The following PTPRT variants were observed in gnomAD, a reference collection of about 807,000 sequenced individuals.
PTPRT encodes protein tyrosine phosphatase receptor type T, also known as receptor-type tyrosine-protein phosphatase T.
In PTPRT, 56 loss-of-function variants were observed where a neutral mutation model predicts 176.8. The observed-to-expected ratio is 0.32, with a 90% CI of 0.26 to 0.40. The LOEUF (loss-of-function observed/expected upper bound fraction) is 0.40. PTPRT is among the 10% of genes least tolerant of loss of function. The pLI, the probability that PTPRT is intolerant of heterozygous loss-of-function variation, is 1.00. For synonymous variants in PTPRT, 783 were observed against 739.0 expected, an observed-to-expected ratio of 1.06 and a Z score of -0.96; for missense variants, 1,540 against 1,908.2, an observed-to-expected ratio of 0.81 and a Z score of 3.60.
chr20:42,311,243 T>A (rs1298220529), intron 12 of PTPRT, among the ~76,000 whole-genome samples: 1 of 152,208 alleles, frequency 6.6e-6, no homozygotes, highest in Non-Finnish European at 1.5e-5. Flanking sequence ...ACATATTGCA[T>A]GTGCTTGACA....
chr20:43,083,198 CTTA>C (rs2011486363), intron 1 of PTPRT, among the ~76,000 whole-genome samples: 1 of 149,930 alleles, frequency 6.7e-6, no homozygotes, highest in Non-Finnish European at 1.5e-5. Context: ...CTTCTCATTT[CTTA>C]TTATTTTTTG....
In PTPRT at chr20:42,144,266, A is replaced by T. The variant is rs541042037; in HGVS notation, c.2683-2264T>A. ...GGGTTAGAAACAGGATTGGGGAGGT[A>T]AGAATTAAGTGTTGTGTTTTGGGTA... On this transcript the variant is annotated intron_variant, in intron 17 of 30. Coordinates refer to ENST00000373187, the MANE Select transcript of PTPRT (RefSeq NM_007050.6). Among the ~76,000 whole-genome samples the T allele has an allele frequency of 2.6e-5, 4 of 152,298 alleles. No homozygotes were observed. In the East Asian group the frequency reaches 7.7e-4, roughly 29 times the overall value.
chr20:42,479,643 A>G (rs1164543684), intron 7 of PTPRT, among the ~76,000 whole-genome samples: 2 of 152,354 alleles, frequency 1.3e-5, no homozygotes, highest in South Asian at 2.1e-4. Context: ...TTTGTTGAAT[A>G]CTAGTTCACT....
At chr20:42,951,518 G>A (rs1981250668) in intron 1 of PTPRT, among the ~76,000 whole-genome samples, 1 of 152,170 alleles carries the variant, frequency 6.6e-6, no homozygotes, top group Non-Finnish European at 1.5e-5. Context: ...CACCTACCAT[G>A]TACCAGGCAA....
At chr20:42,300,707 A>G (rs1457915630) in intron 12 of PTPRT, among the ~76,000 whole-genome samples, 2 of 151,410 alleles carry the variant, frequency 1.3e-5, no homozygotes, top group African/African-American at 4.8e-5. Context: ...TAAATGTGGA[A>G]CAAATGATGG....
rs187271896 is a variant in PTPRT, at chr20:42,629,897, G to A, written c.1153+47969C>T. 1.1e-4 allele frequency among the ~76,000 whole-genome samples: 16 copies of A among 152,274 alleles called. 1 individual carries two copies. The highest frequency in any genetic ancestry group is 3.6e-4 in the African/African-American group (15 of 41,542). On this transcript the variant is annotated intron_variant, in intron 7 of 30. Coordinates refer to ENST00000373187, the MANE Select transcript of PTPRT (RefSeq NM_007050.6). Reference sequence around the variant, plus strand: ...TGGGGGGAAAAATGATACTCTTAGCGTTAGAGTCCACAACTGCTACAGAGT... The same window carrying A: ...TGGGGGGAAAAATGATACTCTTAGCATTAGAGTCCACAACTGCTACAGAGT...
At position 42,128,789 on chromosome 20, in the gene PTPRT, G is replaced by T. The variant is rs1175824163; in HGVS notation, c.2812C>A (p.Pro938Thr). 6.2e-7 allele frequency: 1 copy of T among 1,606,564 alleles called. No individual in the cohort carries two copies. Among genetic ancestry groups the T allele is most frequent in the South Asian group, 1.1e-5 (1 of 89,912 alleles). ...TTGGCATTGATGTAGTCAGAGTGCG[G>T]GTCTCCATCCAGCACCAGCAGCCTC... The part of the protein sequence containing the change: ...RVRLLVLDGD[P>T]HSDYINANYI... Residue 938 changes from proline (P) to threonine (T), a missense_variant, in exon 19 of 31, where the codon CCG (proline) becomes ACG (threonine). By Grantham distance (38) the Pro-to-Thr change is conservative. Coordinates refer to ENST00000373187, the MANE Select transcript of PTPRT (RefSeq NM_007050.6).
intron 5 of PTPRT, among the ~76,000 whole-genome samples, chr20:42,770,762 G>C (rs962814872): frequency 6.6e-6 from 1 of 152,270 alleles, no homozygotes; most frequent in South Asian, 2.1e-4. Context: ...TATTCCATTT[G>C]CCTCAGCCCT....
chr20:42,930,143 A>G (rs1600567430), intron 1 of PTPRT, among the ~76,000 whole-genome samples: 1 of 152,204 alleles, frequency 6.6e-6, no homozygotes, highest in South Asian at 2.1e-4. Flanking sequence ...GGACTTGGGG[A>G]GTGCTTACTG....
intron 1 of PTPRT, among the ~76,000 whole-genome samples, chr20:43,119,121 T>G (rs1490428429): frequency 1.3e-5 from 2 of 152,186 alleles, no homozygotes; most frequent in Non-Finnish European, 2.9e-5. Context: ...GTAATGATAT[T>G]GGAAATGTTC....
At chr20:42,669,610 C>T (rs886080721) in intron 7 of PTPRT, among the ~76,000 whole-genome samples, 9 of 152,132 alleles carry the variant, frequency 5.9e-5, no homozygotes, top group South Asian at 2.1e-4. Flanking sequence ...TAGATGGTGC[C>T]GCCAAGGCAT....
chr20:42,731,931 A>G (rs1369831893), intron 6 of PTPRT, among the ~76,000 whole-genome samples: 1 of 152,126 alleles, frequency 6.6e-6, no homozygotes, highest in Admixed American at 6.5e-5. Flanking sequence ...CAGGTTTTAA[A>G]CCAAATGTCT....
intron 7 of PTPRT, among the ~76,000 whole-genome samples, chr20:42,588,212 G>T (rs2073505803): frequency 6.6e-6 from 1 of 152,182 alleles, no homozygotes; most frequent in African/African-American, 2.4e-5. Flanking sequence ...GGGAGGCTAA[G>T]GTGGGTGGAT....
At chr20:42,284,436 CAGTCTCCACA>C (rs1311837338) in intron 12 of PTPRT, among the ~76,000 whole-genome samples, 3 of 152,074 alleles carry the variant, frequency 2.0e-5, no homozygotes, top group African/African-American at 7.2e-5. Flanking sequence ...GCCATCATCA[CAGTCTCCACA>C]AGCTGAAAAT....
chr20:42,479,955 G>A, intron 7 of PTPRT, among the ~76,000 whole-genome samples: 1 of 152,186 alleles, frequency 6.6e-6, no homozygotes, highest in East Asian at 1.9e-4. Flanking sequence ...AGAAGCACTA[G>A]ATCCTACCCG....
intron 7 of PTPRT, among the ~76,000 whole-genome samples, chr20:42,626,848 G>C (rs1177002695): frequency 6.6e-6 from 1 of 152,218 alleles, no homozygotes; most frequent in Non-Finnish European, 1.5e-5. Context: ...CTAGCAGTGA[G>C]AGTGAAGGAA....
intron 12 of PTPRT, among the ~76,000 whole-genome samples, chr20:42,295,067 T>C (rs1434100109): frequency 6.6e-6 from 1 of 152,062 alleles, no homozygotes; most frequent in Non-Finnish European, 1.5e-5. Flanking sequence ...TTTATGACAA[T>C]AACCCAAGAA....
chr20:42,853,578 A>T (rs930923248), intron 2 of PTPRT, among the ~76,000 whole-genome samples: 12 of 152,192 alleles, frequency 7.9e-5, no homozygotes, highest in African/African-American at 2.9e-4. Context: ...GAGAGAAAAA[A>T]TGAACTCCTC....
chr20:42,634,837 T>C (rs1175718081), intron 7 of PTPRT, among the ~76,000 whole-genome samples: 1 of 152,106 alleles, frequency 6.6e-6, no homozygotes, highest in East Asian at 1.9e-4. Context: ...TTTAAACAAA[T>C]CATTATAACT....
Sources: gnomAD v4.1 joint callset for allele counts (sites outside exome capture counted in the v4.1 genomes callset) on GRCh38, gnomAD v4.1.1 for gene constraint, MANE v1.5 for transcripts, NCBI Gene and HGNC (gene_info 2026-07-23, HGNC 2026-07-21) for gene names.